Variants in TRHDE observed in about 807,000 individuals in gnomAD.
TRHDE encodes the protein thyrotropin releasing hormone degrading enzyme, also known as thyrotropin-releasing hormone-degrading ectoenzyme.
Under a neutral mutation model 125.7 loss-of-function variants are expected in TRHDE, and 72 were observed. The observed-to-expected ratio is 0.57, with a 90% CI of 0.47 to 0.70. TRHDE has a LOEUF of 0.70. Among genes scored for constraint, TRHDE ranks in the 30% least tolerant of loss-of-function variants. The pLI is 0.00. For missense variants in TRHDE, 1,110 were observed against 1,327.1 expected, an observed-to-expected ratio of 0.84 and a Z score of 2.54; for synonymous variants, 509 against 509.1, an observed-to-expected ratio of 1.00 and a Z score of 0.00.
chr12:72,393,378 T>C (rs954654478), intron 3 of TRHDE, among the ~76,000 whole-genome samples: 1 of 152,178 alleles, frequency 6.6e-6, no homozygotes, highest in Admixed American at 6.5e-5. Flanking sequence ...CGTAGGCCAC[T>C]GCAGTCCCTG....
At chr12:72,628,944 A>G (rs576522521) in intron 15 of TRHDE, among the ~76,000 whole-genome samples, 1 of 151,842 alleles carries the variant, frequency 6.6e-6, no homozygotes, top group South Asian at 2.1e-4. Context: ...AATTTAATAC[A>G]TGCCAACTCA....
intron 9 of TRHDE, among the ~76,000 whole-genome samples, chr12:72,568,033 G>A (rs1370395525): frequency 6.6e-6 from 1 of 152,150 alleles, no homozygotes; most frequent in South Asian, 2.1e-4. Flanking sequence ...TATTGATCTG[G>A]ATTGTATGGG....
intron 15 of TRHDE, among the ~76,000 whole-genome samples, chr12:72,650,726 T>C (rs1323069349): frequency 6.6e-6 from 1 of 152,128 alleles, no homozygotes; most frequent in Non-Finnish European, 1.5e-5. Flanking sequence ...TTCACTCTTT[T>C]GGCAAAAGTA....
intron 3 of TRHDE, among the ~76,000 whole-genome samples, chr12:72,406,284 G>A (rs552323215): frequency 1.3e-5 from 2 of 152,220 alleles, no homozygotes; most frequent in African/African-American, 4.8e-5. Flanking sequence ...GGGCTTCCAG[G>A]GGAATTGTGT....
chr12:72,508,278 G>C (rs568745349), intron 6 of TRHDE, among the ~76,000 whole-genome samples: 1 of 152,196 alleles, frequency 6.6e-6, no homozygotes, highest in African/African-American at 2.4e-5. Context: ...AGCTTGCAGC[G>C]TGTACCTAGA....
At chr12:72,328,370 T>C (rs190054414) in intron 2 of TRHDE, among the ~76,000 whole-genome samples, 1 of 152,306 alleles carries the variant, frequency 6.6e-6, no homozygotes, top group East Asian at 1.9e-4. Flanking sequence ...ATGGTTTAAA[T>C]TTAAGTTTGA....
At chr12:72,308,001 T>C (rs1384362708) in intron 2 of TRHDE, among the ~76,000 whole-genome samples, 1 of 152,182 alleles carries the variant, frequency 6.6e-6, no homozygotes, top group Non-Finnish European at 1.5e-5. Flanking sequence ...TCATGTTATA[T>C]GGTCTAGCAT....
intron 12 of TRHDE, among the ~76,000 whole-genome samples, chr12:72,594,529 G>T: frequency 6.8e-6 from 1 of 148,034 alleles, no homozygotes; most frequent in African/African-American, 2.5e-5. Context: ...AATATTACTA[G>T]GTATAAAGTA....
At chr12:72,139,215 T>G (rs2139313081) in intron 2 of TRHDE, among the ~76,000 whole-genome samples, 1 of 152,160 alleles carries the variant, frequency 6.6e-6, no homozygotes, top group Non-Finnish European at 1.5e-5. Context: ...CAAATGAAAA[T>G]GCTGGCAATA....
In TRHDE at chr12:72,665,405, A is replaced by G. The variant is rs1192327425; in HGVS notation, c.*2210A>G. 2 of 152,458 alleles carry G rather than the reference A, an allele frequency of 1.3e-5. No individual in the cohort carries two copies. Among genetic ancestry groups the G allele is most frequent in the South Asian group, 2.1e-4 (1 of 4,824 alleles). 9.4% of individuals were successfully genotyped at this position (152,458 alleles called of 1,614,324 possible). Reference sequence around the variant, plus strand: ...AATCCTAAGTGTATAATTATGTGCAATGTTCAATACCTCATATAATACTTG... The same window carrying G: ...AATCCTAAGTGTATAATTATGTGCAGTGTTCAATACCTCATATAATACTTG... On this transcript the variant is annotated 3_prime_UTR_variant, in exon 19 of 19. Coordinates refer to ENST00000261180, the MANE Select transcript of TRHDE (RefSeq NM_013381.3).
intron 12 of TRHDE, among the ~76,000 whole-genome samples, chr12:72,576,464 A>G (rs1369500037): frequency 4.6e-5 from 7 of 152,138 alleles, no homozygotes; most frequent in Admixed American, 4.6e-4. Context: ...GTTAAAAAGC[A>G]TATTACACAC....
At chr12:72,567,089 GTC>G (rs1870482805) in intron 9 of TRHDE, among the ~76,000 whole-genome samples, 1 of 151,850 alleles carries the variant, frequency 6.6e-6, no homozygotes, top group African/African-American at 2.4e-5. Context: ...TCAGTTCTTT[GTC>G]TCTTCCTCAA....
chr12:72,312,608 G>A (rs74105326), intron 2 of TRHDE, among the ~76,000 whole-genome samples: 12,113 of 152,136 alleles, frequency 0.08, 641 homozygotes, highest in African/African-American at 0.15. Context: ...ACCATTTCCC[G>A]TTACTTCACT....
Position 72,472,497 on chromosome 12 carries a change from A to G in TRHDE, c.1471-570A>G, listed in dbSNP as rs796949828. On this transcript the variant is annotated intron_variant, in intron 4 of 18. Transcript: ENST00000261180. ...GGAGAGTCAAGGGTGAGGGACCTCA[A>G]AAACCCTTAGTTTTATCAATCAGCA... Among the ~76,000 whole-genome samples the G allele has an allele frequency of 7.9e-5, 12 of 152,168 alleles. No individual in the cohort carries two copies. In the South Asian group the frequency reaches 1.4e-3, roughly 18 times the overall value.
At chr12:72,479,276 T>C (rs747464985) in intron 5 of TRHDE, among the ~76,000 whole-genome samples, 1 of 152,168 alleles carries the variant, frequency 6.6e-6, no homozygotes, top group Admixed American at 6.6e-5. Flanking sequence ...TTGTTTGCAC[T>C]TGTAGTTCTT....
intron 2 of TRHDE, among the ~76,000 whole-genome samples, chr12:72,354,704 G>A (rs1870734128): frequency 1.4e-5 from 2 of 147,262 alleles, no homozygotes; most frequent in East Asian, 2.0e-4. Context: ...AATATATACC[G>A]ATTTTCTTAT....
chr12:72,392,778 A>G (rs1872656294), intron 3 of TRHDE, among the ~76,000 whole-genome samples: 1 of 152,176 alleles, frequency 6.6e-6, no homozygotes. Flanking sequence ...CAAATCTCTG[A>G]AAGGCACTTA....
intron 3 of TRHDE, among the ~76,000 whole-genome samples, chr12:72,449,442 C>T (rs1319181173): frequency 6.6e-6 from 1 of 151,778 alleles, no homozygotes; most frequent in East Asian, 1.9e-4. Flanking sequence ...ATTTTTTTTT[C>T]TGGCATTGTG....
At chr12:72,611,318 G>A (rs1488817039) in intron 12 of TRHDE, 1 of 153,820 alleles carries the variant, frequency 6.5e-6, no homozygotes, top group Non-Finnish European at 1.5e-5. Flanking sequence ...TGCTTGAGAA[G>A]AGATCATAAT....
Sources: allele counts gnomAD v4.1 joint callset (sites outside exome capture counted in the v4.1 genomes callset), GRCh38; gene constraint gnomAD v4.1.1; transcripts MANE v1.5; gene names NCBI Gene and HGNC (gene_info 2026-07-23, HGNC 2026-07-21).